The following FAF1 variants were observed in gnomAD, a reference collection of about 807,000 sequenced individuals.
The protein encoded by FAF1 is FAS-associated factor 1.
In FAF1, 25 loss-of-function variants were observed where a neutral mutation model predicts 92.5. The ratio of observed to expected loss-of-function variants is 0.27; its 90% CI spans 0.20 to 0.38. The LOEUF is 0.38. Ranked by LOEUF, FAF1 falls within the 10% of genes least tolerant of loss-of-function variation. FAF1 has a pLI of 1.00. For missense variants in FAF1, 636 were observed against 793.3 expected (o/e 0.80, Z 2.38); for synonymous variants, 234 against 273.2 (o/e 0.86, Z 1.42).
chr1:50,462,611 C>T lies in FAF1; in HGVS notation c.1869+12853G>A, dbSNP rs539791362. Among the ~76,000 whole-genome samples the T allele has an allele frequency of 9.2e-5, 14 of 152,236 alleles. No homozygotes were observed. In the South Asian group the frequency reaches 2.3e-3, roughly 25 times the overall value. The stretch of plus-strand genomic sequence containing the variant: ...AAGTGGCTGCAGGCTCAAGGACAAC[C>T]GTAGGGGTTCGGAGCAGACCATTAT... On this transcript the variant is annotated intron_variant, in intron 18 of 18. Transcript: ENST00000396153.
chr1:50,444,377 A>C (rs900640974), intron 18 of FAF1, among the ~76,000 whole-genome samples: 1 of 152,106 alleles, frequency 6.6e-6, no homozygotes, highest in South Asian at 2.1e-4. Context: ...GGTGGTGTTG[A>C]TGTTGCTATA....
chr1:50,574,303 C>T (rs1017972886), intron 12 of FAF1, among the ~76,000 whole-genome samples: 49 of 152,298 alleles, frequency 3.2e-4, no homozygotes, highest in African/African-American at 1.1e-3. Context: ...GAAGCTGAAA[C>T]GATTGGCTCT....
Position 50,940,423 on chromosome 1 carries a change from T to C in FAF1, c.45+19344A>G, listed in dbSNP as rs74082107. Among the ~76,000 whole-genome samples the C allele has an allele frequency of 7.8e-3, 1,185 of 152,340 alleles. 13 individuals carry two copies. The highest frequency in any genetic ancestry group is 0.028 in the African/African-American group (1,144 of 41,564). ...ATCAACTTGCCACTATACCATTATG[T>C]TTCTGTTGTTCATTTGTTTTGTAGA... On this transcript the variant is annotated intron_variant, in intron 1 of 18. Transcript: ENST00000396153.
chr1:50,697,208 A>G (rs1029539841), intron 7 of FAF1, among the ~76,000 whole-genome samples: 1 of 152,208 alleles, frequency 6.6e-6, no homozygotes, highest in African/African-American at 2.4e-5. Flanking sequence ...TTTAGTGACC[A>G]ATAAACTAAT....
intron 1 of FAF1, among the ~76,000 whole-genome samples, chr1:50,900,423 C>A (rs906706009): frequency 3.9e-5 from 6 of 151,926 alleles, no homozygotes; most frequent in African/African-American, 1.5e-4. Flanking sequence ...TCTTAATTCC[C>A]TGCATTAAAC....
chr1:50,510,058 G>T lies in FAF1; in HGVS notation c.1495-18257C>A, dbSNP rs549344397. ...GCGGTGTGCACCTGTAGTCCCAGCT[G>T]CTCAGGAGGCTGAGGCAGAATTGCT... On this transcript the variant is annotated intron_variant, in intron 15 of 18. Coordinates refer to ENST00000396153, the MANE Select transcript of FAF1 (RefSeq NM_007051.3). Among the ~76,000 whole-genome samples, 42 of 151,556 alleles carry T rather than the reference G, an allele frequency of 2.8e-4. 1 individual carries two copies. In the South Asian group the frequency reaches 8.0e-3, roughly 29 times the overall value.
chr1:50,824,568 A>G (rs1021152047), intron 2 of FAF1, among the ~76,000 whole-genome samples: 47 of 152,196 alleles, frequency 3.1e-4, no homozygotes, highest in African/African-American at 1.1e-3. Flanking sequence ...GGTTCCTCAA[A>G]AAACTAAAGA....
chr1:50,661,186 T>G (rs1275110312), intron 7 of FAF1, among the ~76,000 whole-genome samples: 1 of 152,188 alleles, frequency 6.6e-6, no homozygotes, highest in Non-Finnish European at 1.5e-5. Context: ...TAAAAAACAC[T>G]AATATTTTCC....
chr1:50,656,146 AC>A (rs1413178233), intron 7 of FAF1, among the ~76,000 whole-genome samples: 1 of 152,168 alleles, frequency 6.6e-6, no homozygotes, highest in Non-Finnish European at 1.5e-5. Context: ...AGTCTGGCCA[AC>A]ATGGTGAAAC....
intron 8 of FAF1, among the ~76,000 whole-genome samples, chr1:50,612,672 C>T (rs921025590): frequency 6.6e-6 from 1 of 152,164 alleles, no homozygotes; most frequent in South Asian, 2.1e-4. Context: ...ACTTTGGTCT[C>T]GGGACATGGA....
chr1:50,815,178 T>A (rs890061244), intron 2 of FAF1, among the ~76,000 whole-genome samples: 4 of 152,174 alleles, frequency 2.6e-5, no homozygotes, highest in African/African-American at 9.7e-5. Context: ...GTATGACTGA[T>A]CCCAGGTCGT....
At chr1:50,865,612 C>T (rs1201342428) in intron 1 of FAF1, among the ~76,000 whole-genome samples, 2 of 133,492 alleles carry the variant, frequency 1.5e-5, no homozygotes, top group African/African-American at 5.7e-5. Flanking sequence ...ACTGCATATT[C>T]TCACTCATAG....
intron 1 of FAF1, among the ~76,000 whole-genome samples, chr1:50,938,091 T>A (rs1645101759): frequency 1.3e-5 from 2 of 152,214 alleles, no homozygotes; most frequent in African/African-American, 4.8e-5. Context: ...GATATACCCA[T>A]CTGTCTTCTC....
chr1:50,752,644 G>C (rs1659912220), intron 4 of FAF1, among the ~76,000 whole-genome samples: 1 of 151,994 alleles, frequency 6.6e-6, no homozygotes, highest in South Asian at 2.1e-4. Flanking sequence ...ATATTATTAT[G>C]CTTCTGTACT....
At chr1:50,524,744 G>A (rs1436682277) in intron 15 of FAF1, among the ~76,000 whole-genome samples, 6 of 152,076 alleles carry the variant, frequency 3.9e-5, no homozygotes, top group African/African-American at 1.4e-4. Flanking sequence ...ATTGGTCTAT[G>A]TGTCTGTTTT....
intron 1 of FAF1, among the ~76,000 whole-genome samples, chr1:50,922,496 G>C (rs201038150): frequency 7.5e-6 from 1 of 132,768 alleles, no homozygotes; most frequent in African/African-American, 3.0e-5. Context: ...AAGAGAGAGA[G>C]AAGAGAAGAG....
chr1:50,847,774 T>C (rs1446038893), intron 2 of FAF1, among the ~76,000 whole-genome samples: 1 of 152,118 alleles, frequency 6.6e-6, no homozygotes, highest in Non-Finnish European at 1.5e-5. Flanking sequence ...AACTGTATAT[T>C]ATATAAATTT....
At chr1:50,947,887 T>C (rs998491429) in intron 1 of FAF1, among the ~76,000 whole-genome samples, 4 of 152,214 alleles carry the variant, frequency 2.6e-5, no homozygotes. Flanking sequence ...ATTTGTACCA[T>C]AACAGCCTAA....
intron 1 of FAF1, among the ~76,000 whole-genome samples, chr1:50,862,566 T>G (rs944975512): frequency 6.6e-6 from 1 of 151,736 alleles, no homozygotes; most frequent in African/African-American, 2.4e-5. Flanking sequence ...CAAACGTAAA[T>G]GGCCTAAATG....
Sources: gnomAD v4.1 joint callset for allele counts (sites outside exome capture counted in the v4.1 genomes callset) on GRCh38, gnomAD v4.1.1 for gene constraint, MANE v1.5 for transcripts, NCBI Gene and HGNC (gene_info 2026-07-23, HGNC 2026-07-21) for gene names.